Variants in GPC5 observed in about 807,000 individuals in gnomAD.
GPC5 encodes glypican 5.
A neutral mutation model predicts 53.9 loss-of-function variants in GPC5; 47 were observed. The ratio of observed to expected loss-of-function variants is 0.87; its 90% CI spans 0.69 to 1.11. The LOEUF is 1.11. GPC5 is among the 50% of genes most tolerant of loss of function. The probability of loss-of-function intolerance (pLI) is 0.00; values close to 1 mark genes in which losing one functional copy is unlikely to be tolerated. For missense variants in GPC5, 748 were observed against 713.1 expected (o/e 1.05, Z -0.56); for synonymous variants, 286 against 263.3 (o/e 1.09, Z -0.84).
At chr13:91,912,894 A>G (rs1052986994) in intron 6 of GPC5, among the ~76,000 whole-genome samples, 3 of 152,158 alleles carry the variant, frequency 2.0e-5, no homozygotes, top group African/African-American at 7.2e-5. Context: ...TCTCAAGGAA[A>G]ATTAAAGCTA....
chr13:92,849,818 C>T lies in GPC5; in HGVS notation c.1562-16464C>T, dbSNP rs9561180. On this transcript the variant is annotated intron_variant, in intron 7 of 7. Transcript: ENST00000377067. ...ATCCCCATAGCTCTAGTAAGTTTCT[C>T]GGCAAAATGAAACACTGCTCAGTAT... Among the ~76,000 whole-genome samples, 3,868 of 152,270 alleles carry T rather than the reference C, an allele frequency of 0.025. 384 individuals are homozygous for T. The East Asian group carries it at 0.33, about 13-fold the overall frequency.
intron 2 of GPC5, among the ~76,000 whole-genome samples, chr13:91,659,733 A>G (rs1022147579): frequency 2.0e-5 from 3 of 152,056 alleles, no homozygotes; most frequent in African/African-American, 7.2e-5. Flanking sequence ...GCCATTTCCA[A>G]TTACCACCTG....
At chr13:92,849,451 A>C (rs1478489056) in intron 7 of GPC5, among the ~76,000 whole-genome samples, 2 of 152,228 alleles carry the variant, frequency 1.3e-5, no homozygotes, top group Non-Finnish European at 2.9e-5. Context: ...TCTCTCCTGC[A>C]CAATATTCTT....
chr13:92,144,720 C>G, intron 6 of GPC5, 110 bp from the exon 7 acceptor site: 1 of 1,045,572 alleles, frequency 9.6e-7, no homozygotes, highest in South Asian at 1.6e-5. Context: ...GGTGTCTACA[C>G]CAAAAGAGTG....
intron 7 of GPC5, among the ~76,000 whole-genome samples, chr13:92,696,823 G>A (rs1887571130): frequency 6.6e-6 from 1 of 152,054 alleles, no homozygotes; most frequent in African/African-American, 2.4e-5. Flanking sequence ...GGGTTTTTAT[G>A]GTTTTAGGTC....
At chr13:92,182,657 G>C (rs1228828422) in intron 7 of GPC5, among the ~76,000 whole-genome samples, 1 of 152,102 alleles carries the variant, frequency 6.6e-6, no homozygotes, top group Non-Finnish European at 1.5e-5. Context: ...ATGAGGTCAG[G>C]AGATCGAGAC....
intron 7 of GPC5, among the ~76,000 whole-genome samples, chr13:92,249,123 G>T (rs1191762575): frequency 6.6e-6 from 1 of 152,044 alleles, no homozygotes; most frequent in African/African-American, 2.4e-5. Context: ...TCACTTCGGG[G>T]TAAATTGGGC....
intron 7 of GPC5, among the ~76,000 whole-genome samples, chr13:92,395,682 A>G (rs1453789498): frequency 1.3e-5 from 2 of 152,132 alleles, no homozygotes; most frequent in African/African-American, 4.8e-5. Flanking sequence ...ATTTCAGTGA[A>G]TACAGAAATC....
At chr13:92,010,775 C>G (rs1375299392) in intron 6 of GPC5, among the ~76,000 whole-genome samples, 1 of 152,118 alleles carries the variant, frequency 6.6e-6, no homozygotes, top group African/African-American at 2.4e-5. Context: ...CATCTACAAG[C>G]CAGGAAGGGA....
At chr13:91,975,713 C>T (rs1275614823) in intron 6 of GPC5, among the ~76,000 whole-genome samples, 5 of 152,184 alleles carry the variant, frequency 3.3e-5, no homozygotes, top group African/African-American at 4.8e-5. Flanking sequence ...GTCAGTGTGG[C>T]GATTCCTCAG....
chr13:92,109,457 A>G (rs1226794091), intron 6 of GPC5, among the ~76,000 whole-genome samples: 2 of 151,900 alleles, frequency 1.3e-5, no homozygotes, highest in Admixed American at 6.6e-5. Flanking sequence ...CTTTCCTTCA[A>G]TTGCCCCTCA....
At position 92,584,121 on chromosome 13, in the gene GPC5, G is replaced by GA. The variant is rs1186022254; in HGVS notation, c.1562-282154dup. On this transcript the variant is annotated intron_variant, in intron 7 of 7. Transcript: ENST00000377067. The stretch of plus-strand genomic sequence containing the variant: ...GGTACCAGTAGAGTGGGGCATTACT[G>GA]AAAAAAATACTCCAAAATATGGAAG... Among the ~76,000 whole-genome samples, 4 of 152,192 alleles carry GA rather than the reference G, an allele frequency of 2.6e-5. No homozygotes were observed. In the East Asian group the frequency reaches 5.8e-4, roughly 22 times the overall value.
At chr13:92,490,917 C>G (rs1246115451) in intron 7 of GPC5, among the ~76,000 whole-genome samples, 1 of 151,946 alleles carries the variant, frequency 6.6e-6, no homozygotes, top group African/African-American at 2.4e-5. Context: ...ATGAAAGAAG[C>G]CTTGTAAAAT....
At chr13:91,409,659 C>T (rs1877580398) in intron 1 of GPC5, among the ~76,000 whole-genome samples, 1 of 151,258 alleles carries the variant, frequency 6.6e-6, no homozygotes, top group Non-Finnish European at 1.5e-5. Context: ...CTTTTCTTTT[C>T]TTTTTTTTTG....
intron 7 of GPC5, among the ~76,000 whole-genome samples, chr13:92,382,805 TC>T (rs2043760310): frequency 6.6e-6 from 1 of 151,078 alleles, no homozygotes. Context: ...GGTCAGGAGA[TC>T]AAGACCACAG....
At chr13:92,796,605 G>A (rs1275638206) in intron 7 of GPC5, among the ~76,000 whole-genome samples, 1 of 151,884 alleles carries the variant, frequency 6.6e-6, no homozygotes, top group Non-Finnish European at 1.5e-5. Flanking sequence ...ATTCTCTAGT[G>A]CTAGAATAGA....
chr13:91,409,486 A>C (rs1877566674), intron 1 of GPC5, among the ~76,000 whole-genome samples: 1 of 152,214 alleles, frequency 6.6e-6, no homozygotes, highest in Non-Finnish European at 1.5e-5. Context: ...GCACACAAAA[A>C]ACTTCAGGTT....
chr13:92,138,673 G>A (rs1434151191), intron 6 of GPC5, among the ~76,000 whole-genome samples: 1 of 152,176 alleles, frequency 6.6e-6, no homozygotes, highest in Admixed American at 6.5e-5. Context: ...GTTGGGAAGG[G>A]CTCCTCTTTG....
chr13:91,701,492 G>A (rs893013962), intron 3 of GPC5, among the ~76,000 whole-genome samples: 6 of 151,958 alleles, frequency 3.9e-5, no homozygotes, highest in South Asian at 2.1e-4. Flanking sequence ...TTCTAGATTC[G>A]TGCATGTTGC....
Sources: allele counts gnomAD v4.1 joint callset (sites outside exome capture counted in the v4.1 genomes callset), GRCh38; gene constraint gnomAD v4.1.1; transcripts MANE v1.5; gene names NCBI Gene and HGNC (gene_info 2026-07-23, HGNC 2026-07-21).